GTF2I: variants seen among roughly 807,000 people sequenced by gnomAD.
GTF2I encodes general transcription factor IIi, also known as general transcription factor II-I.
Under a neutral mutation model 67.6 loss-of-function variants are expected in GTF2I, and 12 were observed. The ratio of observed to expected loss-of-function variants is 0.18; its 90% CI spans 0.11 to 0.29. The LOEUF is 0.29. Among genes scored for constraint, GTF2I ranks in the 10% least tolerant of loss-of-function variants. The pLI, the probability that GTF2I is intolerant of heterozygous loss-of-function variation, is 1.00. For synonymous variants in GTF2I, 149 were observed against 197.0 expected (o/e 0.76, Z 2.04); for missense variants, 271 against 580.1 (o/e 0.47, Z 5.47).
intron 1 of GTF2I, among the ~76,000 whole-genome samples, chr7:74,661,522 T>C (rs1804488081): frequency 6.6e-6 from 1 of 151,738 alleles, no homozygotes; most frequent in Admixed American, 6.6e-5. Flanking sequence ...GTACTAAAAA[T>C]ACAAAAATTA....
chr7:74,714,753 A>G, intron 9 of GTF2I, 104 bp from the exon 10 acceptor site: 1 of 596,470 alleles, frequency 1.7e-6, no homozygotes, highest in Non-Finnish European at 3.0e-6. Context: ...TTTTATTTAT[A>G]AAAAGGCCAT....
At position 74,680,816 on chromosome 7, in the gene GTF2I, C is replaced by T. The variant is rs587595622; in HGVS notation, c.-5-8308C>T. Among the ~76,000 whole-genome samples, 4 of 152,212 alleles carry T rather than the reference C, an allele frequency of 2.6e-5. No homozygotes were observed. The South Asian group carries it at 8.3e-4, about 32-fold the overall frequency. On this transcript the variant is annotated intron_variant, in intron 1 of 34. Transcript: ENST00000573035. ...GAATCAGATAATTAAAGCAGAAGTACAGACAAAAAGAAAATTTTATGGAAT... is the reference window on the plus strand; with the variant it reads ...GAATCAGATAATTAAAGCAGAAGTATAGACAAAAAGAAAATTTTATGGAAT...
intron 1 of GTF2I, among the ~76,000 whole-genome samples, chr7:74,677,037 C>T (rs188706177): frequency 4.7e-4 from 72 of 152,006 alleles, no homozygotes; most frequent in African/African-American, 3.9e-4. Context: ...CCAGCCTGGG[C>T]GACAGAGTGA....
chr7:74,674,364 T>C (rs1338614563), intron 1 of GTF2I, among the ~76,000 whole-genome samples: 2 of 152,086 alleles, frequency 1.3e-5, no homozygotes, highest in Non-Finnish European at 2.9e-5. Context: ...CGGCGCCCAG[T>C]CTGAGTCACT....
intron 2 of GTF2I, among the ~76,000 whole-genome samples, 187 bp from the exon 3 acceptor site, chr7:74,690,786 A>G (rs782222262): frequency 6.6e-6 from 1 of 152,130 alleles, no homozygotes; most frequent in Non-Finnish European, 1.5e-5. Flanking sequence ...CCTATAAGAG[A>G]TTACAAGGGA....
chr7:74,683,746 G>C (rs1472210380), intron 1 of GTF2I, among the ~76,000 whole-genome samples: 8 of 151,968 alleles, frequency 5.3e-5, no homozygotes, highest in Non-Finnish European at 7.4e-5. Context: ...CCAGCTACTC[G>C]GGAGGCAGAG....
intron 8 of GTF2I, among the ~76,000 whole-genome samples, chr7:74,708,446 G>T (rs1408264459): frequency 6.6e-6 from 1 of 152,138 alleles, no homozygotes; most frequent in Non-Finnish European, 1.5e-5. Flanking sequence ...GACTTCTGAG[G>T]TGGGGTAGTG....
At chr7:74,679,676 G>A (rs1383380761) in intron 1 of GTF2I, among the ~76,000 whole-genome samples, 2 of 152,006 alleles carry the variant, frequency 1.3e-5, no homozygotes, top group African/African-American at 4.8e-5. Context: ...GACCTCAAGC[G>A]ATCCTCCTAC....
intron 1 of GTF2I, among the ~76,000 whole-genome samples, chr7:74,663,317 G>A (rs1007038901): frequency 4.6e-5 from 7 of 151,994 alleles, no homozygotes; most frequent in East Asian, 1.9e-4. Context: ...ATGGAGTCTC[G>A]CTCTGTGGCC....
intron 2 of GTF2I, among the ~76,000 whole-genome samples, chr7:74,690,387 A>G (rs782270641): frequency 2.0e-5 from 3 of 152,218 alleles, no homozygotes; most frequent in African/African-American, 7.2e-5. Flanking sequence ...TTTTAAAAGA[A>G]TATTTAATCT....
At chr7:74,747,065 GC>G (rs1554409255) in intron 23 of GTF2I, among the ~76,000 whole-genome samples, 1 of 111,948 alleles carries the variant, frequency 8.9e-6, no homozygotes, top group African/African-American at 3.1e-5. Context: ...GTCTTTTCAG[GC>G]TCACAGTGTT....
Position 74,671,406 on chromosome 7 carries a change from T to G in GTF2I, c.-6+13338T>G, listed in dbSNP as rs1042461494. On this transcript the variant is annotated intron_variant, in intron 1 of 34. Transcript: ENST00000573035. The stretch of plus-strand genomic sequence containing the variant: ...CTGGCTAGATCTTTTCTTTATTATT[T>G]TGTCATTCTTTCCTTCACCTGGCTT... 5.3e-5 allele frequency among the ~76,000 whole-genome samples: 8 copies of G among 151,784 alleles called. No individual in the cohort carries two copies. In the East Asian group the frequency reaches 1.5e-3, roughly 29 times the overall value.
At chr7:74,696,392 T>A (rs1031464772) in intron 3 of GTF2I, among the ~76,000 whole-genome samples, 1 of 152,026 alleles carries the variant, frequency 6.6e-6, no homozygotes, top group Non-Finnish European at 1.5e-5. Context: ...AGTGGTGCGA[T>A]CTTGGCTCAC....
intron 3 of GTF2I, among the ~76,000 whole-genome samples, chr7:74,698,523 C>T (rs1789277919): frequency 6.6e-6 from 1 of 151,338 alleles, no homozygotes; most frequent in Non-Finnish European, 1.5e-5. Context: ...CTCAAGCAGC[C>T]CTCACTTCAG....
chr7:74,705,107 A>G (rs1790443259), intron 6 of GTF2I, 57 bp from the exon 7 acceptor site: 1 of 1,010,856 alleles, frequency 9.9e-7, no homozygotes, highest in African/African-American at 1.6e-5. Context: ...AAGCCTTTAG[A>G]CATATTATAT....
At chr7:74,695,825 G>T (rs1554398207) in intron 3 of GTF2I, among the ~76,000 whole-genome samples, 1 of 151,968 alleles carries the variant, frequency 6.6e-6, no homozygotes, top group Non-Finnish European at 1.5e-5. Context: ...GCTGCTGTCT[G>T]CCCCACCAAT....
chr7:74,681,049 A>C (rs185337146), intron 1 of GTF2I, among the ~76,000 whole-genome samples: 1 of 152,360 alleles, frequency 6.6e-6, no homozygotes, highest in East Asian at 1.9e-4. Context: ...AATTGAGTTC[A>C]ACTTTGAAAC....
chr7:74,704,794 G>A (rs587610152), intron 6 of GTF2I, among the ~76,000 whole-genome samples: 1 of 149,352 alleles, frequency 6.7e-6, no homozygotes, highest in African/African-American at 2.5e-5. Context: ...GTTGGAGGCT[G>A]CAGTGAGCTA....
intron 2 of GTF2I, 96 bp from the exon 3 acceptor site, chr7:74,690,877 C>T: frequency 8.9e-7 from 1 of 1,119,276 alleles, no homozygotes; most frequent in Non-Finnish European, 1.3e-6. Flanking sequence ...AAGAGAAGTA[C>T]CTTTAAAAAA....
Sources: gnomAD v4.1 joint callset for allele counts (sites outside exome capture counted in the v4.1 genomes callset) on GRCh38, gnomAD v4.1.1 for gene constraint, MANE v1.5 for transcripts, NCBI Gene and HGNC (gene_info 2026-07-23, HGNC 2026-07-21) for gene names.